The following ADAMTSL4 variants were observed in gnomAD, a reference collection of about 807,000 sequenced individuals.
ADAMTSL4 encodes ADAMTS like 4.
Under a neutral mutation model 122.8 loss-of-function variants are expected in ADAMTSL4, and 97 were observed. The ratio of observed to expected loss-of-function variants is 0.79; its 90% CI spans 0.67 to 0.93. The LOEUF is 0.93. Among genes scored for constraint, ADAMTSL4 ranks in the 40% least tolerant of loss-of-function variants. The probability of loss-of-function intolerance (pLI) is 0.00; values close to 1 mark genes in which losing one functional copy is unlikely to be tolerated. For missense variants in ADAMTSL4, 1,408 were observed against 1,453.5 expected (o/e 0.97, Z 0.51); for synonymous variants, 592 against 568.0 (o/e 1.04, Z -0.60).
chr1:150,555,903 T>C lies in ADAMTSL4; in HGVS notation c.1372-259T>C, dbSNP rs2101618764. On this transcript the variant is annotated intron_variant, in intron 8 of 18. Coordinates refer to ENST00000271643, the MANE Select transcript of ADAMTSL4 (RefSeq NM_019032.6). ...TGCACACACACGTATTTGCACAGTC[T>C]CAATTCAACAACAAAACACCATACT... The C allele has an allele frequency of 4.9e-6, 3 of 607,206 alleles. No homozygotes were observed. The South Asian group carries it at 5.7e-5, about 12-fold the overall frequency. The allele number at this position is 607,206 out of a possible 1,614,324, so 37.6% of individuals were successfully genotyped here.
In ADAMTSL4 at chr1:150,557,519, C is replaced by T. The variant is rs1246256684; in HGVS notation, c.2073C>T (p.Cys691=). Reference sequence around the variant, plus strand: ...GTGTCTGGCGCCCCATTTTCCTCTGCATCTCCCGTGAGTCGGGAGAGGAAC... The same window carrying T: ...GTGTCTGGCGCCCCATTTTCCTCTGTATCTCCCGTGAGTCGGGAGAGGAAC... The part of the protein sequence containing the change: ...GKGVWRPIFL[C]ISRESGEELD... The change falls in exon 13 of 19, where the codon TGC becomes TGT. Residue 691 remains cysteine, a synonymous_variant. Transcript: ENST00000271643. The T allele has an allele frequency of 6.2e-6, 10 of 1,612,752 alleles. No homozygotes were observed. The highest frequency in any genetic ancestry group is 1.3e-5 in the African/African-American group (1 of 74,916).
rs1671696614 is a variant in ADAMTSL4, at chr1:150,553,780, C to A, written c.789C>A (p.Pro263=). 1 of 1,613,986 alleles carries A rather than the reference C, an allele frequency of 6.2e-7. No homozygotes were observed. Among genetic ancestry groups the A allele is most frequent in the South Asian group, 1.1e-5 (1 of 91,078 alleles). ...PRAQASGTEP[P]SPTHSLGEGG... is the part of the protein sequence containing the mutation. ...CCCAGGCCTCTGGCACAGAGCCCCCCTCACCCACGCACTCCTTAGGAGAAG... is the reference window on the plus strand; with the variant it reads ...CCCAGGCCTCTGGCACAGAGCCCCCATCACCCACGCACTCCTTAGGAGAAG... Residue 263 remains proline, a synonymous_variant, in exon 6 of 19, where the codon CCC becomes CCA. Coordinates refer to ENST00000271643, the MANE Select transcript of ADAMTSL4 (RefSeq NM_019032.6).
chr1:150,557,894 A>G, intron 13 of ADAMTSL4, 51 bp from the exon 14 acceptor site: 1 of 1,574,184 alleles, frequency 6.4e-7, no homozygotes. Flanking sequence ...CGGCAGCCCC[A>G]CACATCTCAT....
At position 150,554,006 on chromosome 1, in the gene ADAMTSL4, C is replaced by T; in HGVS notation, c.1015C>T (p.Leu339=). The T allele has an allele frequency of 6.2e-7, 1 of 1,611,942 alleles. No homozygotes were observed. Among genetic ancestry groups the T allele is most frequent in the South Asian group, 1.1e-5 (1 of 91,060 alleles). ...TGACCCTCAGCACCCGGGCGCCTGG[C>T]TGCCCCTGCTGAGCAACGGCCCCCA... ...EPDPQHPGAW[L]PLLSNGPHAS... Residue 339 remains leucine, a synonymous_variant, in exon 6 of 19, where the codon CTG becomes TTG. Transcript: ENST00000271643. This position sits in a 1 kb window ranked among gnomAD's most constrained non-coding sequence, Gnocchi z 4.0.
intron 8 of ADAMTSL4, 116 bp downstream of exon 8, chr1:150,555,681 ATACACACAC>A: frequency 6.9e-7 from 1 of 1,440,702 alleles, no homozygotes; most frequent in South Asian, 1.2e-5. Flanking sequence ...ATGCAAGCAC[ATACACACAC>A]GCATATGCGC....
At chr1:150,555,704 GACACATGC>G in intron 8 of ADAMTSL4, 139 bp downstream of exon 8, 2 of 919,676 alleles carry the variant, frequency 2.2e-6, no homozygotes, top group Non-Finnish European at 3.3e-6. Context: ...TATGCGCACA[GACACATGC>G]ACACACGCAC....
At chr1:150,558,378 G>A in intron 14 of ADAMTSL4, 95 bp from the exon 15 acceptor site, 1 of 1,582,286 alleles carries the variant, frequency 6.3e-7, no homozygotes, top group African/African-American at 1.3e-5. Context: ...CTGGGCTGGG[G>A]ATCGAAGGCA....
At chr1:150,550,391 G>C in intron 2 of ADAMTSL4, 1 of 444,760 alleles carries the variant, frequency 2.2e-6, no homozygotes. Context: ...GGCCTGGCCC[G>C]GGCCCCGGGA....
At chr1:150,557,728 C>A in intron 13 of ADAMTSL4, 105 bp downstream of exon 13, 1 of 1,398,566 alleles carries the variant, frequency 7.2e-7, no homozygotes, top group Non-Finnish European at 9.7e-7. Flanking sequence ...CTCCTGGCTG[C>A]AGAGAGACAA....
In ADAMTSL4 at chr1:150,556,282, CT is replaced by C. The variant is rs1672104447; in HGVS notation, c.1493del (p.Leu498ArgfsTer87). 3 of 1,614,036 alleles carry C rather than the reference CT, an allele frequency of 1.9e-6. No homozygotes were observed. The highest frequency in any genetic ancestry group is 1.3e-5 in the African/African-American group (1 of 74,922). On this transcript the variant is annotated frameshift_variant, in exon 9 of 19. Transcript: ENST00000271643. LOFTEE classifies it high-confidence loss of function. The surrounding 1 kb of genome is among the most constrained non-coding windows in gnomAD (Gnocchi z 4.1). Reference protein sequence around the residue: ...SGNLTDRGGPLGYQKILWIPA... With the variant: ...SGNLTDRGGPXGYQKILWIPA... The stretch of plus-strand genomic sequence containing the variant: ...GAACCTCACTGACCGAGGGGGCCCC[CT>C]GGGCTATCAGAAGATCTTGTGGATT...
At chr1:150,555,772 CAG>C (rs1447160812) in intron 8 of ADAMTSL4, among the ~76,000 whole-genome samples, 1 of 151,304 alleles carries the variant, frequency 6.6e-6, no homozygotes, top group African/African-American at 2.5e-5. Flanking sequence ...CATGCATATG[CAG>C]ACACATGCAT....
intron 14 of ADAMTSL4, 47 bp from the exon 15 acceptor site, chr1:150,558,426 A>G (rs367979910): frequency 3.7e-6 from 6 of 1,609,422 alleles, no homozygotes; most frequent in Non-Finnish European, 2.5e-6. Flanking sequence ...AAGCTGGCTG[A>G]GAAGGTCTGG....
Position 150,557,444 on chromosome 1 carries a change from A to G in ADAMTSL4, c.2048-50A>G, listed in dbSNP as rs587692879. On this transcript the variant is annotated intron_variant, in intron 12 of 18. Transcript: ENST00000271643. ...CGACCCTGCGTCTGGGACACCACTG[A>G]GCTTGGGCTCTAGCCTCCTGCCTCC... The G allele has an allele frequency of 6.2e-6, 10 of 1,612,158 alleles. No homozygotes were observed. The South Asian group carries it at 1.1e-4, about 18-fold the overall frequency.
Position 150,555,475 on chromosome 1 carries a change from C to T in ADAMTSL4, c.1281C>T (p.Phe427=). 1 of 1,614,186 alleles carries T rather than the reference C, an allele frequency of 6.2e-7. No homozygotes were observed. Among genetic ancestry groups the T allele is most frequent in the Non-Finnish European group, 8.5e-7 (1 of 1,180,030 alleles). Residue 427 remains phenylalanine, a synonymous_variant, in exon 8 of 19, where the codon TTC becomes TTT. Coordinates refer to ENST00000271643, the MANE Select transcript of ADAMTSL4 (RefSeq NM_019032.6). ...RCELNCRPRG[F]RFYVRHTEKV... ...AACTGAACTGCCGGCCCCGTGGCTT[C>T]CGCTTCTATGTCCGTCACACTGAAA...
At chr1:150,558,382 G>C (rs1399467236) in intron 14 of ADAMTSL4, 91 bp from the exon 15 acceptor site, 59 of 1,587,312 alleles carry the variant, frequency 3.7e-5, no homozygotes, top group Non-Finnish European at 4.9e-5. Flanking sequence ...GCTGGGGATC[G>C]AAGGCAGAGC....
rs1333413848 is a variant in ADAMTSL4 at position 150,555,503 on chromosome 1, G to A, written c.1309G>A (p.Val437Ile). Residue 437 changes from valine (V) to isoleucine (I), a missense_variant, in exon 8 of 19, where the codon GTC (valine) becomes ATC (isoleucine). Coordinates refer to ENST00000271643, the MANE Select transcript of ADAMTSL4 (RefSeq NM_019032.6). Reference protein sequence around the residue: ...FRFYVRHTEKVQDGTLCQPGA... With the variant: ...FRFYVRHTEKIQDGTLCQPGA... ...CTTCTATGTCCGTCACACTGAAAAG[G>A]TCCAGGATGGGACCCTGTGTCAGCC... 1 of 1,614,176 alleles carries A rather than the reference G, an allele frequency of 6.2e-7. No homozygotes were observed.
rs773265662 is a variant in ADAMTSL4, at chr1:150,552,853, TC to T, written c.79-42del. On this transcript the variant is annotated intron_variant, in intron 4 of 18. Coordinates refer to ENST00000271643, the MANE Select transcript of ADAMTSL4 (RefSeq NM_019032.6). The surrounding 1 kb of genome is among the most constrained non-coding windows in gnomAD (Gnocchi z 4.0). ...GGTCTACATGGACACTCTGGACAGT[TC>T]CCTCTAATCCTTCCAATTCTGTCTG... is the stretch of plus-strand genomic sequence containing the variant. 1.3e-5 allele frequency: 20 copies of T among 1,584,578 alleles called. No homozygotes were observed. The African/African-American group carries it at 2.7e-4, about 21-fold the overall frequency.
At position 150,555,838 on chromosome 1, in the gene ADAMTSL4, C is replaced by CACACACGTAG. The variant is rs1672039127; in HGVS notation, c.1371+279_1371+280insGTAGACACAC. On this transcript the variant is annotated intron_variant, in intron 8 of 18. Transcript: ENST00000271643. ...GCACACACACGTATGCAGACACATG[C>CACACACGTAG]ACACACATGTAGACACACATGCATG... 3 of 613,640 alleles carry CACACACGTAG rather than the reference C, an allele frequency of 4.9e-6. No individual in the cohort carries two copies. The African/African-American group carries it at 5.5e-5, about 11-fold the overall frequency. 38.0% of individuals were successfully genotyped at this position (613,640 alleles called of 1,614,324 possible). A position where few individuals can be genotyped will look rare whatever the true frequency, so the allele number is the denominator to read the frequency against.
Position 150,560,291 on chromosome 1 carries a change from G to C in ADAMTSL4, c.*95G>C, listed in dbSNP as rs587610999. ...CCCCCTGGCTCTCCAGCCTGTCCCA[G>C]TCTCAGCAGGGATGTCCTCCAGGTG... is the stretch of plus-strand genomic sequence containing the variant. On this transcript the variant is annotated 3_prime_UTR_variant, in exon 19 of 19. Transcript: ENST00000271643. 4 of 1,550,562 alleles carry C rather than the reference G, an allele frequency of 2.6e-6. No individual in the cohort carries two copies. The highest frequency in any genetic ancestry group is 3.5e-6 in the Non-Finnish European group (4 of 1,144,518).
Sources: gnomAD v4.1 joint callset for allele counts (sites outside exome capture counted in the v4.1 genomes callset) on GRCh38, gnomAD v4.1.1 for gene constraint, Gnocchi (gnomAD v3.1) non-coding constraint, MANE v1.5 for transcripts, NCBI Gene and HGNC (gene_info 2026-07-23, HGNC 2026-07-21) for gene names.